The following COL14A1 variants were observed in gnomAD, a reference collection of about 807,000 sequenced individuals.
COL14A1 encodes the protein collagen type XIV alpha 1 chain.
Under a neutral mutation model 230.3 loss-of-function variants are expected in COL14A1, and 136 were observed. The ratio of observed to expected loss-of-function variants is 0.59; its 90% CI spans 0.51 to 0.68. COL14A1 has a LOEUF of 0.68. COL14A1 is among the 30% of genes least tolerant of loss of function. The pLI, the probability that COL14A1 is intolerant of heterozygous loss-of-function variation, is 0.00. For synonymous variants in COL14A1, 792 were observed against 784.1 expected (o/e 1.01, Z -0.17); for missense variants, 1,976 against 2,215.8 (o/e 0.89, Z 2.17).
At chr8:120,200,175 C>A (rs1265335155) in intron 8 of COL14A1, among the ~76,000 whole-genome samples, 2 of 146,546 alleles carry the variant, frequency 1.4e-5, no homozygotes, top group East Asian at 4.1e-4. Context: ...TAGTAGAGAA[C>A]AACAAACTTT....
At chr8:120,229,692 C>T (rs550362751) in intron 18 of COL14A1, among the ~76,000 whole-genome samples, 14 of 152,294 alleles carry the variant, frequency 9.2e-5, no homozygotes, top group African/African-American at 3.4e-4. Flanking sequence ...GCCACACTGT[C>T]TTCCACAATG....
At chr8:120,324,545 T>C (rs1719175883) in intron 40 of COL14A1, among the ~76,000 whole-genome samples, 1 of 152,154 alleles carries the variant, frequency 6.6e-6, no homozygotes, top group African/African-American at 2.4e-5. Context: ...CTTACAGAAG[T>C]CCAGAGCCAT....
intron 18 of COL14A1, among the ~76,000 whole-genome samples, chr8:120,231,091 C>T (rs1002948373): frequency 1.3e-5 from 2 of 152,146 alleles, no homozygotes; most frequent in Admixed American, 1.3e-4. Flanking sequence ...CAAAGTCTGG[C>T]CCACTGTGCC....
At chr8:120,299,221 C>T (rs1446791933) in intron 35 of COL14A1, among the ~76,000 whole-genome samples, 4 of 152,036 alleles carry the variant, frequency 2.6e-5, no homozygotes, top group Non-Finnish European at 4.4e-5. Context: ...ATCAGTAAGA[C>T]TTACCGTATC....
intron 8 of COL14A1, among the ~76,000 whole-genome samples, chr8:120,202,157 A>G (rs7013555): frequency 0.57 from 86,787 of 151,990 alleles, 26,256 homozygotes; most frequent in African/African-American, 0.78. Context: ...ACTAATGGAG[A>G]ACTAATTTAT....
upstream of COL14A1, among the ~76,000 whole-genome samples, chr8:120,124,834 C>T (rs916820736): frequency 6.6e-6 from 1 of 152,164 alleles, no homozygotes; most frequent in Non-Finnish European, 1.5e-5. Context: ...GTAGCTTCTG[C>T]CCCAGTGGAA....
At chr8:120,288,899 A>G (rs1453127777) in intron 33 of COL14A1, among the ~76,000 whole-genome samples, 1 of 152,188 alleles carries the variant, frequency 6.6e-6, no homozygotes, top group Non-Finnish European at 1.5e-5. Flanking sequence ...CTGAAATTTT[A>G]TGGCAGAACT....
At chr8:120,169,885 C>A (rs990052933) in intron 5 of COL14A1, among the ~76,000 whole-genome samples, 1 of 151,754 alleles carries the variant, frequency 6.6e-6, no homozygotes, top group African/African-American at 2.4e-5. Context: ...AGAAAATAAA[C>A]CTATTACCAT....
chr8:120,223,625 G>A (rs147501193), intron 14 of COL14A1, among the ~76,000 whole-genome samples: 3 of 152,084 alleles, frequency 2.0e-5, no homozygotes, highest in African/African-American at 2.4e-5. Context: ...AGCCAAGATC[G>A]TGGCACTGCA....
chr8:120,347,515 A>G (rs1822562445), intron 45 of COL14A1, among the ~76,000 whole-genome samples: 2 of 152,134 alleles, frequency 1.3e-5, no homozygotes, highest in South Asian at 4.1e-4. Flanking sequence ...ATTCCCGGCA[A>G]AGTTATTTCA....
chr8:120,234,323 G>C lies in COL14A1; in HGVS notation c.2349+2705G>C, dbSNP rs59319774. Among the ~76,000 whole-genome samples, 145 of 152,210 alleles carry C rather than the reference G, an allele frequency of 9.5e-4. 1 individual carries two copies. The highest frequency in any genetic ancestry group is 3.3e-3 in the African/African-American group (139 of 41,514). On this transcript the variant is annotated intron_variant, in intron 19 of 47. Coordinates refer to ENST00000297848, the MANE Select transcript of COL14A1 (RefSeq NM_021110.4). Reference sequence around the variant, plus strand: ...CTTTATCACTTTCTCTTGCCTGATTGCCCTGGCCAGAACCTCGAATACTAT... The same window carrying C: ...CTTTATCACTTTCTCTTGCCTGATTCCCCTGGCCAGAACCTCGAATACTAT...
chr8:120,350,582 C>A (rs1401319837), intron 45 of COL14A1, among the ~76,000 whole-genome samples: 1 of 150,726 alleles, frequency 6.6e-6, no homozygotes, highest in African/African-American at 2.5e-5. Flanking sequence ...GCAGGGGTTG[C>A]AATCCTAGTC....
intron 40 of COL14A1, among the ~76,000 whole-genome samples, chr8:120,321,072 G>C (rs915408920): frequency 1.3e-5 from 2 of 152,126 alleles, no homozygotes; most frequent in Non-Finnish European, 1.5e-5. Flanking sequence ...TATTAGTAAA[G>C]ATCACCACAG....
intron 1 of COL14A1, among the ~76,000 whole-genome samples, chr8:120,144,079 A>G (rs1345379406): frequency 1.3e-5 from 2 of 152,150 alleles, no homozygotes; most frequent in African/African-American, 2.4e-5. Flanking sequence ...AGAGAAAATT[A>G]TAGGAATTTA....
At chr8:120,367,087 C>A in intron 45 of COL14A1, 84 bp from the exon 46 acceptor site, 1 of 1,081,522 alleles carries the variant, frequency 9.2e-7, no homozygotes, top group Non-Finnish European at 1.3e-6. Context: ...ATCAGAGAAG[C>A]ACTTTCGAAC....
At chr8:120,279,408 C>T (rs1402434420) in intron 28 of COL14A1, among the ~76,000 whole-genome samples, 3 of 151,934 alleles carry the variant, frequency 2.0e-5, no homozygotes, top group Non-Finnish European at 4.4e-5. Context: ...GCCTCTTAAT[C>T]TGTAAAATAG....
intron 34 of COL14A1, among the ~76,000 whole-genome samples, chr8:120,295,046 A>G (rs1226704386): frequency 2.6e-5 from 4 of 151,810 alleles, no homozygotes; most frequent in African/African-American, 9.7e-5. Flanking sequence ...AGAAATCCTG[A>G]TGTATACTGG....
intron 26 of COL14A1, among the ~76,000 whole-genome samples, chr8:120,272,590 G>A (rs10096465): frequency 1.1e-3 from 173 of 151,350 alleles, no homozygotes; most frequent in African/African-American, 3.9e-3. Context: ...AAAGTAAAGG[G>A]GTAAAAGAAG....
chr8:120,244,128 C>T, intron 20 of COL14A1, 120 bp downstream of exon 20: 1 of 1,201,308 alleles, frequency 8.3e-7, no homozygotes. Flanking sequence ...GATTTGGGAA[C>T]AGGAAATCTG....
Sources: gnomAD v4.1 joint callset for allele counts (sites outside exome capture counted in the v4.1 genomes callset) on GRCh38, gnomAD v4.1.1 for gene constraint, MANE v1.5 for transcripts, NCBI Gene and HGNC (gene_info 2026-07-23, HGNC 2026-07-21) for gene names.